The following HLA-DRB1 variants were observed in gnomAD, a reference collection of about 807,000 sequenced individuals.
HLA-DRB1 encodes the protein major histocompatibility complex, class II, DR beta 1 precursor.
In HLA-DRB1, 10 loss-of-function variants were observed where a neutral mutation model predicts 27.9. That is an observed-to-expected ratio of 0.36 (90% confidence interval 0.22 to 0.61). HLA-DRB1 has a LOEUF of 0.61. HLA-DRB1 is among the 20% of genes least tolerant of loss of function. The pLI is 0.73. For synonymous variants in HLA-DRB1, 57 were observed against 126.7 expected, an observed-to-expected ratio of 0.45 and a Z score of 3.69; for missense variants, 118 against 306.3, an observed-to-expected ratio of 0.39 and a Z score of 4.59.
At chr6:32,584,738 C>A (rs9269983) in intron 1 of HLA-DRB1, among the ~76,000 whole-genome samples, 1 of 80,666 alleles carries the variant, frequency 1.2e-5, no homozygotes, top group Non-Finnish European at 2.4e-5. Context: ...TCATCCCACA[C>A]GCTTTACCGG....
intron 1 of HLA-DRB1, among the ~76,000 whole-genome samples, chr6:32,585,357 T>TA (rs146943059): frequency 0.25 from 23,447 of 92,514 alleles, 5,393 homozygotes; most frequent in Admixed American, 0.3. Flanking sequence ...AAAACCTGAA[T>TA]AAAAACACGA....
chr6:32,579,767 A>T (rs192837519), intron 5 of HLA-DRB1, among the ~76,000 whole-genome samples: 1 of 60,984 alleles, frequency 1.6e-5, no homozygotes, highest in Admixed American at 2.0e-4. Context: ...GCCACAGAGA[A>T]CCTATTGGTG....
At chr6:32,582,662 A>T (rs9269859) in intron 2 of HLA-DRB1, among the ~76,000 whole-genome samples, 41,893 of 60,240 alleles carry the variant, frequency 0.7, 17,135 homozygotes, top group Middle Eastern at 0.84. Context: ...AACGTCATTT[A>T]AGTTTTGAAA....
In HLA-DRB1 at chr6:32,584,352, C is replaced by CAGACGTAGAGTA. The variant is rs769556955; in HGVS notation, c.126_127insTACTCTACGTCT (p.Arg42_Glu43insTyrSerThrSer). 141 of 834,582 alleles carry CAGACGTAGAGTA rather than the reference C, an allele frequency of 1.7e-4. 19 individuals carry two copies. Among genetic ancestry groups the CAGACGTAGAGTA allele is most frequent in the Non-Finnish European group, 2.2e-4 (117 of 540,100 alleles). 51.7% of individuals were successfully genotyped at this position (834,582 alleles called of 1,614,324 possible). Reference sequence around the variant, plus strand: ...TCCGTCCCATTGAAGAAATGACACTCCCTCTTAGGCTGCCACAGGAAACGT... The same window carrying CAGACGTAGAGTA: ...TCCGTCCCATTGAAGAAATGACACTCAGACGTAGAGTACCTCTTAGGCTGCCACAGGAAACGT... On this transcript the variant is annotated inframe_insertion, in exon 2 of 6. Coordinates refer to ENST00000360004, the Ensembl canonical transcript of HLA-DRB1.
rs865820254 is a variant in HLA-DRB1, at chr6:32,579,732, G to T, written c.787+515C>A. Among the ~76,000 whole-genome samples, 2 of 60,844 alleles carry T rather than the reference G, an allele frequency of 3.3e-5. 1 individual carries two copies. Among genetic ancestry groups the T allele is most frequent in the Non-Finnish European group, 6.7e-5 (2 of 29,934 alleles). The allele number at this position is 60,844 out of a possible 152,430, so 39.9% of individuals were successfully genotyped here. On this transcript the variant is annotated intron_variant, in intron 5 of 5. Coordinates refer to ENST00000360004, the Ensembl canonical transcript of HLA-DRB1. Reference sequence around the variant, plus strand: ...TGGTCTATTTTACAGAGTGCGAATTGGTCCATTTTACAAACATCCAGCTAG... The same window carrying T: ...TGGTCTATTTTACAGAGTGCGAATTTGTCCATTTTACAAACATCCAGCTAG...
chr6:32,582,456 G>T (rs7765659), intron 2 of HLA-DRB1, among the ~76,000 whole-genome samples: 26 of 107,146 alleles, frequency 2.4e-4, no homozygotes, highest in African/African-American at 4.0e-4. Flanking sequence ...AAAGCAATAT[G>T]CATAGATAAA....
chr6:32,581,416 C>CCCCAGTAG (rs35247783), intron 3 of HLA-DRB1, 141 bp downstream of exon 3: 32,926 of 365,576 alleles, frequency 0.09, 1,724 homozygotes, highest in Admixed American at 0.15. Flanking sequence ...ACAGGGCTAC[C>CCCCAGTAG]CCCAGTGACC....
chr6:32,583,112 A>G (rs1476870257), intron 2 of HLA-DRB1, among the ~76,000 whole-genome samples: 25 of 81,906 alleles, frequency 3.1e-4, no homozygotes, highest in East Asian at 1.2e-3. Flanking sequence ...AGTCACTGAG[A>G]AAAATACTAA....
intron 1 of HLA-DRB1, among the ~76,000 whole-genome samples, chr6:32,588,771 G>T (rs9270215): frequency 0.5 from 32,306 of 64,290 alleles, 11,107 homozygotes; most frequent in Middle Eastern, 0.78. Context: ...ATTTCTGATA[G>T]TTGATTATTT....
At chr6:32,584,063 ATTC>A (rs2150780040) in intron 2 of HLA-DRB1, 43 bp downstream of exon 2, 4 of 669,676 alleles carry the variant, frequency 6.0e-6, no homozygotes, top group South Asian at 1.7e-5. Context: ...ACACACTCAG[ATTC>A]CCAGCTCACG....
intron 1 of HLA-DRB1, among the ~76,000 whole-genome samples, chr6:32,586,643 T>C (rs9270092): frequency 0.49 from 23,132 of 47,296 alleles, 9,135 homozygotes; most frequent in Admixed American, 0.61. Flanking sequence ...GTATTGCTGC[T>C]GCCAACATAA....
chr6:32,587,111 A>G lies in HLA-DRB1; in HGVS notation c.100+2532T>C, dbSNP rs35659983. 3.8e-5 allele frequency among the ~76,000 whole-genome samples: 2 copies of G among 52,932 alleles called. 1 individual carries two copies. Among genetic ancestry groups the G allele is most frequent in the South Asian group, 1.1e-3 (2 of 1,816 alleles). 34.7% of individuals were successfully genotyped at this position (52,932 alleles called of 152,430 possible). ...TAAACATTGAATATAGGCCGGGCGC[A>G]GTGGCTCACGCCTGTAATCCCAGCA... On this transcript the variant is annotated intron_variant, in intron 1 of 5. Coordinates refer to ENST00000360004, the Ensembl canonical transcript of HLA-DRB1.
At chr6:32,579,247 A>C (rs1279778004) in intron 5 of HLA-DRB1, 143 bp from the exon 6 acceptor site, 1 of 194,188 alleles carries the variant, frequency 5.1e-6, no homozygotes, top group East Asian at 9.7e-5. Context: ...AGTCCCGCAG[A>C]GCACACCTTT....
At chr6:32,582,443 T>C (rs34403271) in intron 2 of HLA-DRB1, among the ~76,000 whole-genome samples, 29,628 of 105,392 alleles carry the variant, frequency 0.28, 3,203 homozygotes, top group East Asian at 0.35. Flanking sequence ...AAAAATATGA[T>C]TTAAAGCAAT....
chr6:32,589,181 T>TTAGGAA (rs1437796521), intron 1 of HLA-DRB1, among the ~76,000 whole-genome samples: 1 of 59,084 alleles, frequency 1.7e-5, no homozygotes, highest in Non-Finnish European at 3.5e-5. Context: ...TCCTCACATA[T>TTAGGAA]GAGGACTATG....
At position 32,584,302 on chromosome 6, in the gene HLA-DRB1, G is replaced by C; in HGVS notation, c.177C>G (p.Tyr59Ter). 1 of 1,384,978 alleles carries C rather than the reference G, an allele frequency of 7.2e-7. No homozygotes were observed. The highest frequency in any genetic ancestry group is 1.0e-6 in the Non-Finnish European group (1 of 979,880). The allele number at this position is 1,384,978 out of a possible 1,614,324, so 85.8% of individuals were successfully genotyped here. A position where few individuals can be genotyped will look rare whatever the true frequency, so the allele number is the denominator to read the frequency against. ...GCACGGACTCCTCCTGGTTATAGAA[G>C]TATCTGTCCAGGAACCGCACCCGCT... The change falls in exon 2 of 6, where the codon TAC becomes TAG. Residue 59 changes from tyrosine (Y) to a stop codon, truncating the protein, a stop_gained. Coordinates refer to ENST00000360004, the Ensembl canonical transcript of HLA-DRB1. LOFTEE classifies it high-confidence loss of function.
rs796281200 is a variant in HLA-DRB1 at position 32,583,644 on chromosome 6, T to C, written c.370+465A>G. Among the ~76,000 whole-genome samples, 90 of 62,090 alleles carry C rather than the reference T, an allele frequency of 1.4e-3. 5 individuals are homozygous for C. Among genetic ancestry groups the C allele is most frequent in the East Asian group, 3.1e-3 (5 of 1,612 alleles). 40.7% of individuals were successfully genotyped at this position (62,090 alleles called of 152,430 possible). A position where few individuals can be genotyped will look rare whatever the true frequency, so the allele number is the denominator to read the frequency against. ...CGAAGGGTGTATGCCAGGGAGAGTC[T>C]GGAACTGGCCTCCTCACATTATCCC... On this transcript the variant is annotated intron_variant, in intron 2 of 5. Transcript: ENST00000360004.
At chr6:32,587,901 C>A (rs1244066333) in intron 1 of HLA-DRB1, among the ~76,000 whole-genome samples, 1 of 147,114 alleles carries the variant, frequency 6.8e-6, no homozygotes, top group African/African-American at 2.5e-5. Context: ...TAGAATGGAG[C>A]CCAGTAAAGA....
intron 3 of HLA-DRB1, 133 bp downstream of exon 3, chr6:32,581,424 A>C (rs1775471638): frequency 4.2e-5 from 18 of 425,856 alleles, no homozygotes; most frequent in Admixed American, 1.5e-4. Flanking sequence ...ACCCCCAGTG[A>C]CCTGTGCTGA....
Sources: allele counts gnomAD v4.1 joint callset (sites outside exome capture counted in the v4.1 genomes callset), GRCh38; gene constraint gnomAD v4.1.1; transcripts MANE v1.5; gene names NCBI Gene and HGNC (gene_info 2026-07-23, HGNC 2026-07-21).